Variants in MSMO1 observed in about 807,000 individuals in gnomAD.
MSMO1 encodes methylsterol monooxygenase 1, also known as C-4 methylsterol oxidase.
Under a neutral mutation model 30.4 loss-of-function variants are expected in MSMO1, and 18 were observed. The ratio of observed to expected loss-of-function variants is 0.59; its 90% confidence interval spans 0.41 to 0.88. The LOEUF is 0.88. Among genes scored for constraint, MSMO1 ranks in the 40% least tolerant of loss-of-function variants. The pLI, the probability that MSMO1 is intolerant of heterozygous loss-of-function variation, is 0.00. For synonymous variants in MSMO1, 84 were observed against 107.9 expected, an observed-to-expected ratio of 0.78 and a Z score of 1.37; for missense variants, 284 against 340.5, an observed-to-expected ratio of 0.83 and a Z score of 1.31.
intron 2 of MSMO1, among the ~76,000 whole-genome samples, 200 bp from the exon 3 acceptor site, chr4:165,337,589 G>A (rs568023933): frequency 3.2e-4 from 48 of 152,272 alleles, no homozygotes; most frequent in African/African-American, 1.1e-3. Flanking sequence ...ATGGCTAGGC[G>A]CATCTGTTAA....
At chr4:165,333,315 A>G in intron 1 of MSMO1, 25 bp from the exon 2 acceptor site, 1 of 1,567,110 alleles carries the variant, frequency 6.4e-7, no homozygotes, top group Non-Finnish European at 8.7e-7. Flanking sequence ...TGTTTAACTT[A>G]TTATATATGT....
intron 1 of MSMO1, among the ~76,000 whole-genome samples, chr4:165,331,264 A>T (rs1044602013): frequency 2.0e-5 from 3 of 151,964 alleles, no homozygotes; most frequent in Non-Finnish European, 4.4e-5. Flanking sequence ...TAATTGTGCC[A>T]CTGCACTCCA....
At chr4:165,340,853 C>A (rs564930681) in intron 5 of MSMO1, among the ~76,000 whole-genome samples, 12 of 152,240 alleles carry the variant, frequency 7.9e-5, no homozygotes, top group African/African-American at 2.9e-4. Context: ...AATGCTTATC[C>A]TAATTGTTCA....
rs924753783 is a variant in MSMO1 at position 165,330,296 on chromosome 4, G to A, written c.-32+2532G>A. On this transcript the variant is annotated intron_variant, in intron 1 of 5. Transcript: ENST00000261507. ...ACCTACCTCACGAAGGTGTGGTAAG[G>A]ATTAAAGTGAAAATGTAGAGAGCAG... Among the ~76,000 whole-genome samples, 6 of 152,332 alleles carry A rather than the reference G, an allele frequency of 3.9e-5. 1 individual carries two copies. Among genetic ancestry groups the A allele is most frequent in the Admixed American group, 1.3e-4 (2 of 15,310 alleles).
chr4:165,328,780 C>T (rs547725606), intron 1 of MSMO1, among the ~76,000 whole-genome samples: 44 of 152,328 alleles, frequency 2.9e-4, no homozygotes, highest in African/African-American at 1.0e-3. Context: ...TCCCTCGCTC[C>T]TTTGTGAAAA....
chr4:165,330,872 T>A (rs764650754), intron 1 of MSMO1, among the ~76,000 whole-genome samples: 4 of 152,194 alleles, frequency 2.6e-5, no homozygotes, highest in Non-Finnish European at 5.9e-5. Context: ...ATTACAGGCG[T>A]GAGCCACCAT....
chr4:165,330,889 C>G (rs1288978834), intron 1 of MSMO1, among the ~76,000 whole-genome samples: 3 of 152,148 alleles, frequency 2.0e-5, no homozygotes, highest in Non-Finnish European at 4.4e-5. Context: ...CCATGCCCAG[C>G]TGAGTTAAGC....
chr4:165,331,018 T>G (rs993807609), intron 1 of MSMO1, among the ~76,000 whole-genome samples: 10 of 152,114 alleles, frequency 6.6e-5, no homozygotes, highest in Non-Finnish European at 1.2e-4. Flanking sequence ...CAAAGGAAGA[T>G]GTAGGCTGGG....
chr4:165,333,592 T>A lies in MSMO1; in HGVS notation c.222T>A (p.Phe74Leu). ...GTTTACCTGGATTTTTATTTCAATT[T>A]ATACCTTATATGAAAAAATACAAAA... ...LFCLPGFLFQ[F>L]IPYMKKYKIQ... The change falls in exon 2 of 6, where the codon TTT (phenylalanine) becomes TTA (leucine). Residue 74 changes from phenylalanine (F) to leucine (L), a missense_variant. Coordinates refer to ENST00000261507, the MANE Select transcript of MSMO1 (RefSeq NM_006745.5). 6.2e-7 allele frequency: 1 copy of A among 1,600,124 alleles called. No homozygotes were observed. The highest frequency in any genetic ancestry group is 8.5e-7 in the Non-Finnish European group (1 of 1,173,548).
Position 165,342,045 on chromosome 4 carries a change from G to A in MSMO1, c.*99G>A. ...GAGAGCAGAAATAAGCATGTCTTCT[G>A]GCTACTAAGTGATAAAAAGAACATT... On this transcript the variant is annotated 3_prime_UTR_variant, in exon 6 of 6. Transcript: ENST00000261507. The A allele has an allele frequency of 9.8e-7, 1 of 1,018,324 alleles. No homozygotes were observed. Among genetic ancestry groups the A allele is most frequent in the Admixed American group, 2.1e-5 (1 of 47,008 alleles). The allele number at this position is 1,018,324 out of a possible 1,614,324, so 63.1% of individuals were successfully genotyped here.
intron 1 of MSMO1, among the ~76,000 whole-genome samples, chr4:165,332,563 A>G (rs909501913): frequency 2.6e-5 from 4 of 152,280 alleles, no homozygotes; most frequent in African/African-American, 7.2e-5. Flanking sequence ...TTTTCCTCCA[A>G]TGATACACTG....
chr4:165,334,148 A>G (rs967259998), intron 2 of MSMO1, among the ~76,000 whole-genome samples: 1 of 152,244 alleles, frequency 6.6e-6, no homozygotes. Context: ...AAAAATACTT[A>G]ATGAGATATT....
intron 2 of MSMO1, among the ~76,000 whole-genome samples, chr4:165,336,762 G>T (rs1747560718): frequency 6.6e-6 from 1 of 152,242 alleles, no homozygotes; most frequent in Non-Finnish European, 1.5e-5. Flanking sequence ...GTGAGTAGCA[G>T]CCCTGGTATT....
intron 1 of MSMO1, among the ~76,000 whole-genome samples, chr4:165,329,149 CATT>C (rs1283552339): frequency 2.0e-5 from 3 of 152,124 alleles, no homozygotes; most frequent in African/African-American, 7.2e-5. Flanking sequence ...GTAAGGAAGG[CATT>C]ATTGGGAAAC....
Position 165,339,175 on chromosome 4 carries a change from G to A in MSMO1, c.531+397G>A, listed in dbSNP as rs900003669. On this transcript the variant is annotated intron_variant, in intron 4 of 5. Transcript: ENST00000261507. ...GCTGGACTGCAATGGCATGATCTCA[G>A]CTCACTGCAACCTTCACCTCCTGGG... Among the ~76,000 whole-genome samples the A allele has an allele frequency of 2.3e-5, 3 of 131,012 alleles. No homozygotes were observed. The East Asian group carries it at 7.4e-4, about 32-fold the overall frequency. 85.9% of individuals were successfully genotyped at this position (131,012 alleles called of 152,430 possible). A position where few individuals can be genotyped will look rare whatever the true frequency, so the allele number is the denominator to read the frequency against.
chr4:165,338,021 T>G, intron 3 of MSMO1, 84 bp downstream of exon 3: 1 of 1,291,484 alleles, frequency 7.7e-7, no homozygotes, highest in South Asian at 1.3e-5. Flanking sequence ...TTTTCTTAAT[T>G]TTAGTTAATG....
At position 165,343,006 on chromosome 4, in the gene MSMO1, A is replaced by T. The variant is rs1237858514; in HGVS notation, c.*1060A>T. ...TTGTCATTAAAAACTGTATCTTGAA[A>T]CTTTGTGAACTGACTTGCTGTATTT... On this transcript the variant is annotated 3_prime_UTR_variant, in exon 6 of 6. Coordinates refer to ENST00000261507, the MANE Select transcript of MSMO1 (RefSeq NM_006745.5). The T allele has an allele frequency of 6.6e-6, 1 of 152,570 alleles. No homozygotes were observed. Among genetic ancestry groups the T allele is most frequent in the Non-Finnish European group, 1.5e-5 (1 of 68,008 alleles). The allele number at this position is 152,570 out of a possible 1,614,324, so 9.5% of individuals were successfully genotyped here.
At chr4:165,329,876 C>G (rs1348186323) in intron 1 of MSMO1, among the ~76,000 whole-genome samples, 1 of 151,946 alleles carries the variant, frequency 6.6e-6, no homozygotes, top group Non-Finnish European at 1.5e-5. Flanking sequence ...CCTTGTGATC[C>G]GCCCACCTCA....
rs915799575 is a variant in MSMO1, at chr4:165,342,104, T to C, written c.*158T>C. 5 of 627,138 alleles carry C rather than the reference T, an allele frequency of 8.0e-6. No homozygotes were observed. Among genetic ancestry groups the C allele is most frequent in the Non-Finnish European group, 1.4e-5 (5 of 361,180 alleles). The allele number at this position is 627,138 out of a possible 1,614,324, so 38.8% of individuals were successfully genotyped here. Reference sequence around the variant, plus strand: ...TTAATTACCTTCCTAGTGGGAACTTTTTCTACTTTACCTACAAGTTCTATA... The same window carrying C: ...TTAATTACCTTCCTAGTGGGAACTTCTTCTACTTTACCTACAAGTTCTATA... On this transcript the variant is annotated 3_prime_UTR_variant, in exon 6 of 6. Transcript: ENST00000261507.
Sources: allele counts gnomAD v4.1 joint callset (sites outside exome capture counted in the v4.1 genomes callset), GRCh38; gene constraint gnomAD v4.1.1; transcripts MANE v1.5; gene names NCBI Gene and HGNC (gene_info 2026-07-23, HGNC 2026-07-21).